ZBTB20: variants seen among roughly 807,000 people sequenced by gnomAD.
ZBTB20 encodes the protein zinc finger and BTB domain containing 20, also known as zinc finger and BTB domain-containing protein 20.
A neutral mutation model predicts 56.9 loss-of-function variants in ZBTB20; 9 were observed. The ratio of observed to expected loss-of-function variants is 0.16; its 90% CI spans 0.10 to 0.28. The LOEUF is 0.28. Ranked by LOEUF, ZBTB20 falls within the 10% of genes least tolerant of loss-of-function variation. ZBTB20 has a pLI of 1.00. For synonymous variants in ZBTB20, 417 were observed against 420.7 expected (o/e 0.99, Z 0.11); for missense variants, 655 against 1,003.0 (o/e 0.65, Z 4.69).
At chr3:114,960,425 G>T (rs2077406085) in intron 3 of ZBTB20, among the ~76,000 whole-genome samples, 1 of 152,196 alleles carries the variant, frequency 6.6e-6, no homozygotes, top group African/African-American at 2.4e-5. Context: ...ATCCTAAAGA[G>T]CTGGGATGAC....
chr3:114,560,641 C>A (rs2051899512), intron 6 of ZBTB20, among the ~76,000 whole-genome samples: 1 of 152,108 alleles, frequency 6.6e-6, no homozygotes, highest in South Asian at 2.1e-4. Context: ...ATTAAAAATA[C>A]TTTATTGCTG....
In ZBTB20 at chr3:114,323,949, T is replaced by C. The variant is rs1256259547; in HGVS notation, c.*15056A>G. Reference sequence around the variant, plus strand: ...AGTAGTGCAATGCAGTGCAGTCATATTTAGTGCAAAAAAAAGCCCTATTAT... The same window carrying C: ...AGTAGTGCAATGCAGTGCAGTCATACTTAGTGCAAAAAAAAGCCCTATTAT... On this transcript the variant is annotated 3_prime_UTR_variant, in exon 12 of 12. Coordinates refer to ENST00000675478, the MANE Select transcript of ZBTB20 (RefSeq NM_001348800.3). 2 of 152,192 alleles carry C rather than the reference T, an allele frequency of 1.3e-5. No homozygotes were observed. The highest frequency in any genetic ancestry group is 1.5e-5 in the Non-Finnish European group (1 of 68,034). The allele number at this position is 152,192 out of a possible 1,614,324, so 9.4% of individuals were successfully genotyped here.
chr3:114,867,431 T>C (rs2075811530), intron 4 of ZBTB20, among the ~76,000 whole-genome samples: 2 of 152,176 alleles, frequency 1.3e-5, no homozygotes, highest in Non-Finnish European at 2.9e-5. Flanking sequence ...GTCAAGTTTG[T>C]TTAGTGCCTT....
rs1395167672 is a variant in ZBTB20, at chr3:114,329,036, T to C, written c.*9969A>G. The C allele has an allele frequency of 6.6e-6, 1 of 152,208 alleles. No homozygotes were observed. Among genetic ancestry groups the C allele is most frequent in the African/African-American group, 2.4e-5 (1 of 41,454 alleles). 9.4% of individuals were successfully genotyped at this position (152,208 alleles called of 1,614,324 possible). ...TGGAACACTTTGGAGAACAGATTGG[T>C]AATTTTGCCATTACACTAGACATTA... On this transcript the variant is annotated 3_prime_UTR_variant, in exon 12 of 12. Coordinates refer to ENST00000675478, the MANE Select transcript of ZBTB20 (RefSeq NM_001348800.3).
chr3:114,728,894 G>C (rs2065506842), intron 5 of ZBTB20, among the ~76,000 whole-genome samples: 2 of 152,078 alleles, frequency 1.3e-5, no homozygotes, highest in African/African-American at 4.8e-5. Context: ...CTTTTGAGAA[G>C]TGTCTTTTCA....
chr3:114,941,271 C>A (rs2076715036), intron 3 of ZBTB20, among the ~76,000 whole-genome samples: 1 of 145,842 alleles, frequency 6.9e-6, no homozygotes, highest in Admixed American at 6.6e-5. Flanking sequence ...TCATTTAGTT[C>A]TTATAATGAC....
At chr3:114,520,752 T>C (rs563402882) in intron 6 of ZBTB20, among the ~76,000 whole-genome samples, 5 of 152,258 alleles carry the variant, frequency 3.3e-5, no homozygotes, top group African/African-American at 9.6e-5. Flanking sequence ...ATCAAATGAA[T>C]TACTAGACAA....
intron 6 of ZBTB20, among the ~76,000 whole-genome samples, chr3:114,593,320 G>C (rs537441057): frequency 6.6e-6 from 1 of 151,630 alleles, no homozygotes; most frequent in Non-Finnish European, 1.5e-5. Flanking sequence ...CTAAAAAGAA[G>C]AATGACAATT....
At chr3:114,446,294 T>A (rs1254662878) in intron 7 of ZBTB20, among the ~76,000 whole-genome samples, 3 of 152,178 alleles carry the variant, frequency 2.0e-5, no homozygotes, top group African/African-American at 7.2e-5. Context: ...TCCTGGTTAT[T>A]TTTGGCTTTA....
intron 1 of ZBTB20, among the ~76,000 whole-genome samples, chr3:115,089,181 A>G (rs1375527070): frequency 6.6e-6 from 1 of 151,872 alleles, no homozygotes; most frequent in Non-Finnish European, 1.5e-5. Context: ...CAGAAATTGT[A>G]TATACTACTG....
chr3:114,881,126 G>A (rs2076383659), intron 4 of ZBTB20, among the ~76,000 whole-genome samples: 1 of 152,044 alleles, frequency 6.6e-6, no homozygotes, highest in African/African-American at 2.4e-5. Flanking sequence ...AACTACAGAT[G>A]TAAATATAAT....
intron 6 of ZBTB20, chr3:114,688,426 T>C (rs2062487778): frequency 6.6e-6 from 1 of 151,560 alleles, no homozygotes; most frequent in Non-Finnish European, 1.5e-5. Flanking sequence ...CTGTGTCAAG[T>C]TGTGTTTGAC....
intron 4 of ZBTB20, among the ~76,000 whole-genome samples, chr3:114,827,436 T>C (rs1411363450): frequency 6.6e-6 from 1 of 151,764 alleles, no homozygotes; most frequent in Admixed American, 6.6e-5. Context: ...AGTTCGTTAG[T>C]TATATTAGTT....
intron 6 of ZBTB20, among the ~76,000 whole-genome samples, chr3:114,617,231 T>C (rs2058003867): frequency 6.6e-6 from 1 of 152,234 alleles, no homozygotes; most frequent in South Asian, 2.1e-4. Flanking sequence ...GATTGTTCCC[T>C]GCCTGCATCT....
rs550199780 is a variant in ZBTB20, at chr3:114,882,810, G to A, written c.-417+17494C>T. Among the ~76,000 whole-genome samples the A allele has an allele frequency of 9.9e-5, 15 of 152,166 alleles. No individual in the cohort carries two copies. The South Asian group carries it at 3.1e-3, about 32-fold the overall frequency. On this transcript the variant is annotated intron_variant, in intron 4 of 11. Transcript: ENST00000675478. The stretch of plus-strand genomic sequence containing the variant: ...TTATCTCTGGTGAATAGTGCTATCA[G>A]TCGGTAAAGACATACTTTTCACTTT...
chr3:114,690,204 G>C (rs1235642821), intron 6 of ZBTB20, among the ~76,000 whole-genome samples: 1 of 151,994 alleles, frequency 6.6e-6, no homozygotes, highest in African/African-American at 2.4e-5. Flanking sequence ...TATTTTTCTA[G>C]AGATTTAGTG....
chr3:114,334,644 A>G lies in ZBTB20; in HGVS notation c.*4361T>C, dbSNP rs538706530. 3.3e-5 allele frequency: 5 copies of G among 152,352 alleles called. No individual in the cohort carries two copies. In the East Asian group the frequency reaches 9.6e-4, roughly 29 times the overall value. 9.4% of individuals were successfully genotyped at this position (152,352 alleles called of 1,614,324 possible). Reference sequence around the variant, plus strand: ...ACAAAATAAAACCCTTATGACTTTTAAACACAGCAAACCCAAGTCTTTCTA... The same window carrying G: ...ACAAAATAAAACCCTTATGACTTTTGAACACAGCAAACCCAAGTCTTTCTA... On this transcript the variant is annotated 3_prime_UTR_variant, in exon 12 of 12. Coordinates refer to ENST00000675478, the MANE Select transcript of ZBTB20 (RefSeq NM_001348800.3).
chr3:115,072,413 C>T (rs973722868), intron 1 of ZBTB20, among the ~76,000 whole-genome samples: 5 of 152,136 alleles, frequency 3.3e-5, no homozygotes, highest in African/African-American at 1.2e-4. Context: ...CATTGCATGG[C>T]ATCAGGTCTC....
rs191063276 is a variant in ZBTB20, at chr3:114,436,548, T to C, written c.-254-47443A>G. On this transcript the variant is annotated intron_variant, in intron 7 of 11. Transcript: ENST00000675478. ...AACATTTGGGTTTTAAATTTGTTTA[T>C]AGTACTCTTATAATGTTACCTGTTA... Among the ~76,000 whole-genome samples, 244 of 152,342 alleles carry C rather than the reference T, an allele frequency of 1.6e-3. 1 individual carries two copies. Among genetic ancestry groups the C allele is most frequent in the African/African-American group, 5.6e-3 (232 of 41,586 alleles).
Sources: gnomAD v4.1 joint callset for allele counts (sites outside exome capture counted in the v4.1 genomes callset) on GRCh38, gnomAD v4.1.1 for gene constraint, MANE v1.5 for transcripts, NCBI Gene and HGNC (gene_info 2026-07-23, HGNC 2026-07-21) for gene names.